GLIS1: variants seen among roughly 807,000 people sequenced by gnomAD.
GLIS1 encodes the protein GLIS family zinc finger 1, also known as zinc finger protein GLIS1.
Under a neutral mutation model 63.8 loss-of-function variants are expected in GLIS1, and 24 were observed. That is an observed-to-expected ratio of 0.38 (90% CI 0.27 to 0.53). The LOEUF is 0.53. Among genes scored for constraint, GLIS1 ranks in the 20% least tolerant of loss-of-function variants. The pLI is 0.85. For missense variants in GLIS1, 1,036 were observed against 1,074.1 expected, an observed-to-expected ratio of 0.96 and a Z score of 0.50; for synonymous variants, 450 against 482.5, an observed-to-expected ratio of 0.93 and a Z score of 0.88.
chr1:53,552,098 T>C (rs1644765848), intron 4 of GLIS1, among the ~76,000 whole-genome samples: 1 of 151,934 alleles, frequency 6.6e-6, no homozygotes, highest in African/African-American at 2.4e-5. Context: ...CCACTCCCTC[T>C]AATCACCCCC....
intron 2 of GLIS1, among the ~76,000 whole-genome samples, chr1:53,691,085 G>A (rs376599879): frequency 6.6e-6 from 1 of 152,194 alleles, no homozygotes; most frequent in African/African-American, 2.4e-5. Flanking sequence ...ACCAGGCGCC[G>A]TGGCTCATGC....
chr1:53,645,974 G>C (rs1421880239), intron 2 of GLIS1, among the ~76,000 whole-genome samples: 2 of 152,144 alleles, frequency 1.3e-5, no homozygotes, highest in Non-Finnish European at 1.5e-5. Flanking sequence ...TGAACAAGGG[G>C]GGCAGGGGCC....
chr1:53,546,150 A>C (rs1644696288), intron 4 of GLIS1, among the ~76,000 whole-genome samples: 1 of 152,232 alleles, frequency 6.6e-6, no homozygotes, highest in African/African-American at 2.4e-5. Flanking sequence ...TGACGCCACC[A>C]AGCTCCTGTT....
intron 4 of GLIS1, among the ~76,000 whole-genome samples, chr1:53,590,499 G>A (rs1645178940): frequency 6.6e-6 from 1 of 152,174 alleles, no homozygotes; most frequent in African/African-American, 2.4e-5. Context: ...CCTTCTTGAT[G>A]TGGAGAAAAG....
At chr1:53,507,341 C>T (rs920598474) in intron 10 of GLIS1, among the ~76,000 whole-genome samples, 5 of 152,192 alleles carry the variant, frequency 3.3e-5, no homozygotes, top group Non-Finnish European at 7.4e-5. Context: ...GGCCAGGATG[C>T]TTGCCTAAGG....
At chr1:53,678,949 G>A (rs1250184506) in intron 2 of GLIS1, among the ~76,000 whole-genome samples, 3 of 152,132 alleles carry the variant, frequency 2.0e-5, no homozygotes, top group Non-Finnish European at 4.4e-5. Flanking sequence ...GGTTCCCAGG[G>A]AGCAAACCTA....
chr1:53,609,688 T>G (rs1645407236), intron 2 of GLIS1, among the ~76,000 whole-genome samples: 1 of 152,256 alleles, frequency 6.6e-6, no homozygotes, highest in Non-Finnish European at 1.5e-5. Flanking sequence ...TTTCTTCTAT[T>G]GCAGTCTAAT....
At chr1:53,546,368 C>T (rs1644698963) in intron 4 of GLIS1, among the ~76,000 whole-genome samples, 1 of 152,202 alleles carries the variant, frequency 6.6e-6, no homozygotes, top group Admixed American at 6.5e-5. Flanking sequence ...CCCTCAACAC[C>T]ATCTCTGCAG....
intron 2 of GLIS1, among the ~76,000 whole-genome samples, chr1:53,631,093 G>A (rs1211329765): frequency 6.6e-6 from 1 of 152,038 alleles, no homozygotes; most frequent in African/African-American, 2.4e-5. Context: ...TTTTATTGCT[G>A]TTTATAACTT....
chr1:53,684,620 T>A (rs1646310759), intron 2 of GLIS1, among the ~76,000 whole-genome samples: 1 of 131,008 alleles, frequency 7.6e-6, no homozygotes, highest in Admixed American at 7.3e-5. Context: ...TGTCACTACC[T>A]CAAATCAAGA....
intron 2 of GLIS1, among the ~76,000 whole-genome samples, chr1:53,643,745 G>T (rs1249873155): frequency 7.2e-5 from 11 of 152,230 alleles, no homozygotes; most frequent in Admixed American, 7.2e-4. Context: ...AGCACCAGGG[G>T]TTAACTGAGA....
chr1:53,515,053 G>A (rs1180749682), intron 7 of GLIS1, among the ~76,000 whole-genome samples: 4 of 150,192 alleles, frequency 2.7e-5, no homozygotes, highest in Admixed American at 6.7e-5. Context: ...TGTCAGAGGC[G>A]TGGGGTGCTT....
intron 4 of GLIS1, among the ~76,000 whole-genome samples, chr1:53,551,196 C>A (rs1394950214): frequency 6.6e-6 from 1 of 152,190 alleles, no homozygotes; most frequent in Non-Finnish European, 1.5e-5. Context: ...ATGTGCCCGG[C>A]ATTGTGCTAA....
chr1:53,589,546 T>A (rs983541683), intron 4 of GLIS1, among the ~76,000 whole-genome samples: 4 of 152,196 alleles, frequency 2.6e-5, no homozygotes, highest in Non-Finnish European at 5.9e-5. Flanking sequence ...TGTTCTGAGT[T>A]CCTTGGCTAG....
At chr1:53,733,371 G>A (rs1372427572) in intron 2 of GLIS1, among the ~76,000 whole-genome samples, 3 of 152,158 alleles carry the variant, frequency 2.0e-5, no homozygotes, top group African/African-American at 7.2e-5. Context: ...TTAAATCACA[G>A]ATGGAGCAAC....
Position 53,506,493 on chromosome 1 carries a change from G to T in GLIS1, c.*126C>A, listed in dbSNP as rs1644232755. On this transcript the variant is annotated 3_prime_UTR_variant, in exon 11 of 11. Transcript: ENST00000628545. ...TGGGGTGGCAGCGCTGGCTCCCCTG[G>T]GTCATGGCCTGGCTGTTCCGGCTGT... 1 of 1,031,722 alleles carries T rather than the reference G, an allele frequency of 9.7e-7. No individual in the cohort carries two copies. Among genetic ancestry groups the T allele is most frequent in the Non-Finnish European group, 1.4e-6 (1 of 702,074 alleles). The allele number at this position is 1,031,722 out of a possible 1,614,324, so 63.9% of individuals were successfully genotyped here. A position where few individuals can be genotyped will look rare whatever the true frequency, so the allele number is the denominator to read the frequency against.
intron 2 of GLIS1, among the ~76,000 whole-genome samples, chr1:53,620,528 T>G (rs3006900): frequency 0.97 from 147,956 of 152,350 alleles, 71,981 homozygotes; most frequent in South Asian, 1. Flanking sequence ...CAGTGTTTGG[T>G]ACTAGTCAAC....
chr1:53,734,083 C>G (rs1646890335), intron 2 of GLIS1: 10 of 979,970 alleles, frequency 1.0e-5, no homozygotes, highest in Non-Finnish European at 1.1e-5. Flanking sequence ...TTTCAAGTTA[C>G]AAGACTGACT....
intron 2 of GLIS1, among the ~76,000 whole-genome samples, chr1:53,649,875 G>A (rs879401527): frequency 9.2e-5 from 14 of 152,178 alleles, no homozygotes; most frequent in Non-Finnish European, 1.9e-4. Context: ...TAAGGCTTCT[G>A]ATCAACAGTA....
Sources: gnomAD v4.1 joint callset for allele counts (sites outside exome capture counted in the v4.1 genomes callset) on GRCh38, gnomAD v4.1.1 for gene constraint, MANE v1.5 for transcripts, NCBI Gene and HGNC (gene_info 2026-07-23, HGNC 2026-07-21) for gene names.